The following SNX2 variants were observed in gnomAD, a reference collection of about 807,000 sequenced individuals.
The protein encoded by SNX2 is sorting nexin-2.
SNX2 carries 25 observed loss-of-function variants against 69.9 expected under a neutral mutation model. That is an observed-to-expected ratio of 0.36 (90% confidence interval 0.26 to 0.50). The LOEUF (loss-of-function observed/expected upper bound fraction) is 0.50, where lower values mean the gene tolerates loss of function less well. Ranked by LOEUF, SNX2 falls within the 20% of genes least tolerant of loss-of-function variation. SNX2 has a pLI of 0.97. For synonymous variants in SNX2, 229 were observed against 200.4 expected (o/e 1.14, Z -1.20); for missense variants, 551 against 613.3 (o/e 0.90, Z 1.07).
chr5:122,794,477 C>A (rs1241650851), intron 1 of SNX2, among the ~76,000 whole-genome samples: 2 of 152,196 alleles, frequency 1.3e-5, no homozygotes, highest in African/African-American at 4.8e-5. Context: ...GTGCTTTGAA[C>A]TTCTTGGACA....
At chr5:122,808,775 T>C (rs1179716776) in intron 7 of SNX2, 1 of 157,824 alleles carries the variant, frequency 6.3e-6, no homozygotes. Context: ...ATAATCCCAC[T>C]TTGGTCTTAT....
Position 122,829,497 on chromosome 5 carries a change from G to T in SNX2, c.1510-101G>T, listed in dbSNP as rs1346570938. The T allele has an allele frequency of 5.7e-6, 5 of 882,888 alleles. No homozygotes were observed. In the South Asian group the frequency reaches 7.8e-5, roughly 14 times the overall value. 54.7% of individuals were successfully genotyped at this position (882,888 alleles called of 1,614,324 possible). A position where few individuals can be genotyped will look rare whatever the true frequency, so the allele number is the denominator to read the frequency against. On this transcript the variant is annotated intron_variant, in intron 14 of 14. Transcript: ENST00000379516. The stretch of plus-strand genomic sequence containing the variant: ...TGGAATTATAGGTGTGAGCTACCCA[G>T]CCCGGCTTATGTAGATTTTTTTTTA...
chr5:122,786,507 G>C (rs1472977129), intron 1 of SNX2, among the ~76,000 whole-genome samples: 2 of 151,594 alleles, frequency 1.3e-5, no homozygotes, highest in Non-Finnish European at 2.9e-5. Context: ...ATATTTTAGT[G>C]GTTGCTCTGC....
intron 8 of SNX2, among the ~76,000 whole-genome samples, chr5:122,816,570 A>G (rs1753904360): frequency 6.6e-6 from 1 of 152,186 alleles, no homozygotes; most frequent in East Asian, 1.9e-4. Flanking sequence ...TTCTTTCCTT[A>G]TAAACGGTTT....
intron 1 of SNX2, among the ~76,000 whole-genome samples, chr5:122,778,346 A>AT (rs1249264397): frequency 6.6e-5 from 10 of 152,158 alleles, no homozygotes; most frequent in Admixed American, 5.2e-4. Flanking sequence ...CAGTAGTGGG[A>AT]TTGCTGAATC....
chr5:122,817,749 TAAA>T, intron 10 of SNX2, among the ~76,000 whole-genome samples: 1 of 152,202 alleles, frequency 6.6e-6, no homozygotes, highest in East Asian at 1.9e-4. Context: ...TTGATTATAA[TAAA>T]AAAACTTGAG....
intron 11 of SNX2, among the ~76,000 whole-genome samples, chr5:122,822,395 T>G (rs1416747613): frequency 6.6e-6 from 1 of 152,236 alleles, no homozygotes; most frequent in Non-Finnish European, 1.5e-5. Flanking sequence ...ACATTTCTTT[T>G]TCTGTGAATG....
In SNX2 at chr5:122,775,392, C is replaced by A. The variant is rs1752833154; in HGVS notation, c.108+181C>A. ...GATGTGCTTGGGCTGAGCGCAGGGCCTCCTCAGGAGAGCAGCCTGCGGCCC... is the reference window on the plus strand; with the variant it reads ...GATGTGCTTGGGCTGAGCGCAGGGCATCCTCAGGAGAGCAGCCTGCGGCCC... On this transcript the variant is annotated intron_variant, in intron 1 of 14. Coordinates refer to ENST00000379516, the MANE Select transcript of SNX2 (RefSeq NM_003100.4). 6 of 1,312,674 alleles carry A rather than the reference C, an allele frequency of 4.6e-6. No homozygotes were observed. In the Admixed American group the frequency reaches 2.2e-4, roughly 49 times the overall value. The allele number at this position is 1,312,674 out of a possible 1,614,324, so 81.3% of individuals were successfully genotyped here. A position where few individuals can be genotyped will look rare whatever the true frequency, so the allele number is the denominator to read the frequency against.
intron 7 of SNX2, among the ~76,000 whole-genome samples, chr5:122,813,468 A>G (rs918205704): frequency 1.3e-5 from 2 of 152,088 alleles, no homozygotes; most frequent in African/African-American, 4.8e-5. Flanking sequence ...CAGAATGCTA[A>G]TATGTAGTAG....
rs867975254 is a variant in SNX2, at chr5:122,821,479, G to A, written c.1212+2456G>A. Among the ~76,000 whole-genome samples the A allele has an allele frequency of 1.3e-4, 19 of 148,734 alleles. No homozygotes were observed. In the Middle Eastern group the frequency reaches 0.014, roughly 107 times the overall value. ...TCCTTTTTTTTTTTTTTTCGCAGACGGAGACTCGCTCTGTCGCCCAGGCTG... is the reference window on the plus strand; with the variant it reads ...TCCTTTTTTTTTTTTTTTCGCAGACAGAGACTCGCTCTGTCGCCCAGGCTG... On this transcript the variant is annotated intron_variant, in intron 11 of 14. Transcript: ENST00000379516.
intron 2 of SNX2, among the ~76,000 whole-genome samples, chr5:122,796,613 C>T (rs1320019695): frequency 1.3e-5 from 2 of 152,060 alleles, no homozygotes; most frequent in African/African-American, 4.8e-5. Flanking sequence ...GTATTTGTAT[C>T]TTATGCTAAA....
intron 4 of SNX2, 60 bp from the exon 5 acceptor site, chr5:122,802,021 T>G: frequency 1.3e-6 from 2 of 1,532,886 alleles, no homozygotes. Context: ...CAATATAGTA[T>G]TAAATGAGTT....
chr5:122,800,213 A>C (rs1358093904), intron 3 of SNX2, among the ~76,000 whole-genome samples: 1 of 152,190 alleles, frequency 6.6e-6, no homozygotes, highest in African/African-American at 2.4e-5. Flanking sequence ...AAATACTGTT[A>C]ATACTTAAAG....
intron 11 of SNX2, among the ~76,000 whole-genome samples, chr5:122,822,258 T>C (rs888810814): frequency 6.6e-6 from 1 of 152,132 alleles, no homozygotes; most frequent in Non-Finnish European, 1.5e-5. Flanking sequence ...AGCCAGCTAA[T>C]TTTTGTATTT....
rs773772769 is a variant in SNX2, at chr5:122,775,222, G to C, written c.108+11G>C. 9 of 1,546,434 alleles carry C rather than the reference G, an allele frequency of 5.8e-6. No individual in the cohort carries two copies. The East Asian group carries it at 1.9e-4, about 33-fold the overall frequency. ...GTCTCCACCCTAGAGGTGAGACCGC[G>C]TCGCTGCGGGTGCTGCGCTGCGTAG... On this transcript the variant is annotated intron_variant, in intron 1 of 14. Coordinates refer to ENST00000379516, the MANE Select transcript of SNX2 (RefSeq NM_003100.4).
intron 1 of SNX2, among the ~76,000 whole-genome samples, chr5:122,789,511 T>C (rs977312600): frequency 2.7e-5 from 4 of 147,284 alleles, no homozygotes; most frequent in Non-Finnish European, 4.5e-5. Flanking sequence ...ACACTCTTCC[T>C]CTAGCCCGAA....
Position 122,816,949 on chromosome 5 carries a change from G to T in SNX2, c.833G>T (p.Gly278Val). 6.2e-7 allele frequency: 1 copy of T among 1,613,568 alleles called. No individual in the cohort carries two copies. Among genetic ancestry groups the T allele is most frequent in the South Asian group, 1.1e-5 (1 of 91,032 alleles). The change falls in exon 9 of 15, where the codon GGA becomes GTA. Residue 278 changes from glycine to valine, a missense_variant. Transcript: ENST00000379516. ...PRAVNTQALS[G>V]AGILRMVNKA... Reference sequence around the variant, plus strand: ...GCAGTTAATACACAGGCTCTGAGTGGAGCAGGAATATTGAGGATGGTGAAC... The same window carrying T: ...GCAGTTAATACACAGGCTCTGAGTGTAGCAGGAATATTGAGGATGGTGAAC...
At chr5:122,813,140 C>T (rs748286617) in intron 7 of SNX2, among the ~76,000 whole-genome samples, 1 of 152,246 alleles carries the variant, frequency 6.6e-6, no homozygotes, top group South Asian at 2.1e-4. Context: ...TTCCTACACT[C>T]ATTTACCCTT....
intron 14 of SNX2, among the ~76,000 whole-genome samples, chr5:122,828,747 GTAAT>G (rs1754214123): frequency 6.6e-6 from 1 of 152,134 alleles, no homozygotes; most frequent in African/African-American, 2.4e-5. Flanking sequence ...GTAGCCAGGA[GTAAT>G]TAATGTTTTA....
Sources: allele counts gnomAD v4.1 joint callset (sites outside exome capture counted in the v4.1 genomes callset), GRCh38; gene constraint gnomAD v4.1.1; transcripts MANE v1.5; gene names NCBI Gene and HGNC (gene_info 2026-07-23, HGNC 2026-07-21).